The following SVEP1 variants were observed in gnomAD, a reference collection of about 807,000 sequenced individuals.
SVEP1 encodes sushi, von Willebrand factor type A, EGF and pentraxin domain-containing protein 1.
In SVEP1, 164 loss-of-function variants were observed where a neutral mutation model predicts 367.3. The ratio of observed to expected loss-of-function variants is 0.45; its 90% CI spans 0.39 to 0.51. The LOEUF (loss-of-function observed/expected upper bound fraction) is 0.51, where lower values mean the gene tolerates loss of function less well. Ranked by LOEUF, SVEP1 falls within the 20% of genes least tolerant of loss-of-function variation. The pLI, the probability that SVEP1 is intolerant of heterozygous loss-of-function variation, is 0.00. For synonymous variants in SVEP1, 1,666 were observed against 1,611.6 expected, an observed-to-expected ratio of 1.03 and a Z score of -0.81; for missense variants, 4,117 against 4,425.3, an observed-to-expected ratio of 0.93 and a Z score of 1.98.
intron 46 of SVEP1, among the ~76,000 whole-genome samples, chr9:110,374,645 T>G (rs1302672947): frequency 7.3e-6 from 1 of 137,500 alleles, no homozygotes; most frequent in Non-Finnish European, 1.6e-5. Context: ...AGTGAAACTC[T>G]GTTCTCAAAA....
At chr9:110,578,308 C>G (rs1488618407) in intron 1 of SVEP1, among the ~76,000 whole-genome samples, 1 of 151,672 alleles carries the variant, frequency 6.6e-6, no homozygotes, top group Non-Finnish European at 1.5e-5. Flanking sequence ...GATGTACATA[C>G]TGGGCAACTG....
intron 3 of SVEP1, among the ~76,000 whole-genome samples, chr9:110,536,574 C>A (rs1177439619): frequency 6.6e-6 from 1 of 151,892 alleles, no homozygotes; most frequent in Non-Finnish European, 1.5e-5. Flanking sequence ...GTGAACTTCT[C>A]ACCCCTTCAA....
At chr9:110,389,382 A>G in intron 41 of SVEP1, 142 bp downstream of exon 41, 1 of 853,100 alleles carries the variant, frequency 1.2e-6, no homozygotes, top group Non-Finnish European at 1.8e-6. Flanking sequence ...CTTGAGAAAA[A>G]GCCCATTAAA....
At chr9:110,517,687 G>A (rs1442548937) in intron 3 of SVEP1, among the ~76,000 whole-genome samples, 1 of 137,018 alleles carries the variant, frequency 7.3e-6, no homozygotes, top group East Asian at 2.2e-4. Context: ...GCGCTGCAAT[G>A]AGCTACAATT....
At chr9:110,572,235 A>G (rs1830572191) in intron 1 of SVEP1, among the ~76,000 whole-genome samples, 1 of 152,218 alleles carries the variant, frequency 6.6e-6, no homozygotes, top group African/African-American at 2.4e-5. Flanking sequence ...AACCCTCTCT[A>G]TGCACATTTG....
Position 110,426,504 on chromosome 9 carries a change from C to T in SVEP1, c.5975+1087G>A, listed in dbSNP as rs761158697. On this transcript the variant is annotated intron_variant, in intron 36 of 47. Transcript: ENST00000374469. ...GTCACACTATTTCCCTAAGGCCCCA[C>T]AGTTAGTGAACAACAGAGTTGAGAT... Among the ~76,000 whole-genome samples, 114 of 152,148 alleles carry T rather than the reference C, an allele frequency of 7.5e-4. 1 individual carries two copies. The highest frequency in any genetic ancestry group is 2.7e-3 in the African/African-American group (111 of 41,426).
chr9:110,392,151 A>ATATATATATATATATATATATCTATC (rs1308038317), intron 40 of SVEP1, among the ~76,000 whole-genome samples: 23 of 146,084 alleles, frequency 1.6e-4, no homozygotes, highest in Middle Eastern at 3.4e-3. Context: ...ATATATATAT[A>ATATATATATATATATATATATCTATC]TATCTCTTCT....
At chr9:110,576,581 A>T (rs1266323289) in intron 1 of SVEP1, among the ~76,000 whole-genome samples, 3 of 151,888 alleles carry the variant, frequency 2.0e-5, no homozygotes, top group South Asian at 4.1e-4. Flanking sequence ...AATATATATA[A>T]AAAGAGAAAA....
chr9:110,568,466 G>A (rs2118879694), intron 1 of SVEP1, among the ~76,000 whole-genome samples: 1 of 152,092 alleles, frequency 6.6e-6, no homozygotes, highest in East Asian at 1.9e-4. Context: ...TACTTTTATT[G>A]CAAACATACT....
chr9:110,570,598 C>T lies in SVEP1; in HGVS notation c.531+8415G>A, dbSNP rs574981324. ...TGGATTCAAGCAATTCTCCTGCCTC[C>T]GTCTCCCAAGTAGCTGGGATTACAG... is the stretch of plus-strand genomic sequence containing the variant. On this transcript the variant is annotated intron_variant, in intron 1 of 47. Coordinates refer to ENST00000374469, the MANE Select transcript of SVEP1 (RefSeq NM_153366.4). Among the ~76,000 whole-genome samples, 665 of 151,720 alleles carry T rather than the reference C, an allele frequency of 4.4e-3. 3 individuals carry two copies. Among genetic ancestry groups the T allele is most frequent in the Non-Finnish European group, 7.0e-3 (473 of 67,910 alleles).
At chr9:110,440,117 G>A (rs1339413487) in intron 27 of SVEP1, among the ~76,000 whole-genome samples, 1 of 152,142 alleles carries the variant, frequency 6.6e-6, no homozygotes, top group Non-Finnish European at 1.5e-5. Flanking sequence ...ACTTGATAAT[G>A]CCATTTCCTT....
intron 8 of SVEP1, among the ~76,000 whole-genome samples, chr9:110,496,055 G>C (rs781692523): frequency 2.0e-5 from 3 of 152,144 alleles, no homozygotes; most frequent in African/African-American, 7.2e-5. Flanking sequence ...CAAATCCATA[G>C]AATGAAAAGT....
chr9:110,449,623 C>G (rs577417101), intron 24 of SVEP1, among the ~76,000 whole-genome samples: 1 of 152,228 alleles, frequency 6.6e-6, no homozygotes, highest in African/African-American at 2.4e-5. Context: ...AAAGAGGTTA[C>G]AGTGAGCCGA....
At chr9:110,437,394 T>C (rs1016320232) in intron 27 of SVEP1, among the ~76,000 whole-genome samples, 1 of 152,192 alleles carries the variant, frequency 6.6e-6, no homozygotes, top group South Asian at 2.1e-4. Flanking sequence ...TGTGTTTTAC[T>C]GTCATATTTT....
intron 5 of SVEP1, among the ~76,000 whole-genome samples, chr9:110,512,069 CT>C (rs1374401797): frequency 6.6e-6 from 1 of 152,100 alleles, no homozygotes; most frequent in Non-Finnish European, 1.5e-5. Context: ...GGTTCCAAAT[CT>C]TGCAGGGGAC....
chr9:110,443,671 C>A lies in SVEP1; in HGVS notation c.4513G>T (p.Val1505Leu). 6.2e-7 allele frequency: 1 copy of A among 1,611,302 alleles called. No homozygotes were observed. The highest frequency in any genetic ancestry group is 8.5e-7 in the Non-Finnish European group (1 of 1,178,766). Residue 1505 changes from valine to leucine, a missense_variant, in exon 27 of 48, where the codon GTG (valine) becomes TTG (leucine). Transcript: ENST00000374469. ...GREKITNCPS[V>L]NDGRWHHIAI... Reference sequence around the variant, plus strand: ...ATATGATGCCATCTGCCATCATTCACCGAGGGACAGTTTGTTATCTTTTCC... The same window carrying A: ...ATATGATGCCATCTGCCATCATTCAACGAGGGACAGTTTGTTATCTTTTCC...
intron 38 of SVEP1, 108 bp from the exon 39 acceptor site, chr9:110,404,660 A>G (rs1293408976): frequency 9.9e-7 from 1 of 1,014,696 alleles, no homozygotes; most frequent in Non-Finnish European, 1.5e-6. Flanking sequence ...ATTTTGTGCA[A>G]CATATTGATT....
chr9:110,409,434 AAAAG>A (rs982922434), intron 37 of SVEP1, among the ~76,000 whole-genome samples: 4 of 151,722 alleles, frequency 2.6e-5, no homozygotes, highest in Non-Finnish European at 5.9e-5. Context: ...GGGAAGAAAG[AAAAG>A]AAAGAAAAAA....
In SVEP1 at chr9:110,549,860, G is replaced by T. The variant is rs764956003; in HGVS notation, c.776C>A (p.Ala259Glu). ...TAGGTTTCCATTACCTTCATGCAAT[G>T]CCCGGCGAGCTAAAGCCTCAAATTC... ...FEEFEALARR[A>E]LHEDLPSGSF... The change falls in exon 2 of 48, where the codon GCA becomes GAA. Residue 259 changes from alanine to glutamate, a missense_variant. Physicochemically the swap from Ala to Glu is moderately radical, Grantham distance 107. This residue lies in a region of SVEP1 where 2,174 missense variants were observed against 2,494.3 expected (regional missense o/e 0.87). Coordinates refer to ENST00000374469, the MANE Select transcript of SVEP1 (RefSeq NM_153366.4). 1.2e-6 allele frequency: 2 copies of T among 1,613,746 alleles called. No individual in the cohort carries two copies. Among genetic ancestry groups the T allele is most frequent in the South Asian group, 1.1e-5 (1 of 91,048 alleles).
Sources: allele counts gnomAD v4.1 joint callset (sites outside exome capture counted in the v4.1 genomes callset), GRCh38; gene constraint gnomAD v4.1.1; regional missense constraint gnomAD v4.1.1; transcripts MANE v1.5; gene names NCBI Gene and HGNC (gene_info 2026-07-23, HGNC 2026-07-21).